Variants in PARP9 observed in about 807,000 individuals in gnomAD.
The protein encoded by PARP9 is poly(ADP-ribose) polymerase family member 9, also known as protein mono-ADP-ribosyltransferase PARP9.
Under a neutral mutation model 68.8 loss-of-function variants are expected in PARP9, and 48 were observed. The observed-to-expected ratio is 0.70, with a 90% CI of 0.55 to 0.89. The LOEUF is 0.89. PARP9 is among the 40% of genes least tolerant of loss of function. The pLI is 0.00. For missense variants in PARP9, 806 were observed against 969.3 expected, an observed-to-expected ratio of 0.83 and a Z score of 2.24; for synonymous variants, 309 against 333.8, an observed-to-expected ratio of 0.93 and a Z score of 0.81.
chr3:122,559,765 G>T, intron 1 of PARP9, 56 bp from the exon 2 acceptor site: 2 of 696,112 alleles, frequency 2.9e-6, no homozygotes, highest in Non-Finnish European at 2.3e-6. Context: ...TAGGAAATTC[G>T]GTAAGAATAT....
chr3:122,552,727 G>A, intron 4 of PARP9, 88 bp from the exon 5 acceptor site: 2 of 949,126 alleles, frequency 2.1e-6, no homozygotes, highest in Non-Finnish European at 3.2e-6. Context: ...GAAGAGCTTT[G>A]AAAAATACTC....
rs552623110 is a variant in PARP9, at chr3:122,528,020, T to G, written c.*344A>C. On this transcript the variant is annotated 3_prime_UTR_variant, in exon 11 of 11. Coordinates refer to ENST00000682323, the MANE Select transcript of PARP9 (RefSeq NM_001146105.2). ...TTCTGTTATCCTAACATTTTTATAC[T>G]ATCATCATTTTAGAAAATAAAAGGC... is the stretch of plus-strand genomic sequence containing the variant. 6.1e-6 allele frequency: 1 copy of G among 163,656 alleles called. No individual in the cohort carries two copies. Among genetic ancestry groups the G allele is most frequent in the South Asian group, 2.0e-4 (1 of 5,012 alleles). 10.1% of individuals were successfully genotyped at this position (163,656 alleles called of 1,614,324 possible).
In PARP9 at chr3:122,536,352, T is replaced by C. The variant is rs1423548550; in HGVS notation, c.1906-10A>G. ...TGTCTATCTTCTCCACCTAGAACCA[T>C]AGAAAAGAAAGACTGAAAAAGAGGC... On this transcript the variant is annotated splice_polypyrimidine_tract_variant and intron_variant, in intron 9 of 10. Coordinates refer to ENST00000682323, the MANE Select transcript of PARP9 (RefSeq NM_001146105.2). The C allele has an allele frequency of 4.0e-5, 65 of 1,609,412 alleles. No individual in the cohort carries two copies. The East Asian group carries it at 1.4e-3, about 34-fold the overall frequency.
intron 7 of PARP9, 146 bp downstream of exon 7, chr3:122,545,286 G>T: frequency 1.3e-6 from 1 of 750,224 alleles, no homozygotes. Flanking sequence ...TCAGGGTAGA[G>T]AGTAGGCAGG....
intron 7 of PARP9, among the ~76,000 whole-genome samples, chr3:122,542,769 C>T (rs1559831443): frequency 6.6e-6 from 1 of 151,634 alleles, no homozygotes; most frequent in South Asian, 2.1e-4. Flanking sequence ...TGAGCCACTG[C>T]ACCCGGCCAA....
intron 1 of PARP9, among the ~76,000 whole-genome samples, chr3:122,562,175 TTTCTTTTCTTTTC>T (rs1427338319): frequency 7.4e-6 from 1 of 135,014 alleles, no homozygotes; most frequent in African/African-American, 3.0e-5. Flanking sequence ...TTTCTTTTCT[TTTCTTTTCTTTTC>T]TTTTCTTTTC....
chr3:122,553,848 G>T (rs758172350), intron 4 of PARP9, among the ~76,000 whole-genome samples: 1 of 151,888 alleles, frequency 6.6e-6, no homozygotes, highest in Non-Finnish European at 1.5e-5. Context: ...TCTTTAATTT[G>T]CTGAACCCTT....
At chr3:122,549,290 A>T (rs2107670729) in intron 6 of PARP9, among the ~76,000 whole-genome samples, 1 of 152,346 alleles carries the variant, frequency 6.6e-6, no homozygotes. Flanking sequence ...TGCTGGGATT[A>T]CAGGCGTGAG....
chr3:122,532,075 CTGG>C (rs2077351633), intron 10 of PARP9: 1 of 888,128 alleles, frequency 1.1e-6, no homozygotes, highest in South Asian at 5.2e-5. Flanking sequence ...TGGCCTGACT[CTGG>C]TGGGTGCAGT....
intron 10 of PARP9, chr3:122,534,907 T>A: frequency 2.1e-6 from 2 of 966,126 alleles, no homozygotes; most frequent in Non-Finnish European, 2.5e-6. Context: ...AAGAGAGAAC[T>A]GCCTGAACTT....
In PARP9 at chr3:122,550,578, A is replaced by G. The variant is rs1241040409; in HGVS notation, c.1326+6T>C. On this transcript the variant is annotated splice_donor_region_variant and intron_variant, in intron 6 of 10. Transcript: ENST00000682323. The stretch of plus-strand genomic sequence containing the variant: ...ACAGTAGGACATTTCTAAGATATTA[A>G]CTTACCTTATATATCTCCAAATCTG... 6.3e-7 allele frequency: 1 copy of G among 1,588,060 alleles called. No individual in the cohort carries two copies.
rs1427850121 is a variant in PARP9, at chr3:122,530,362, A to C, written c.2081-1619T>G. On this transcript the variant is annotated intron_variant, in intron 10 of 10. Transcript: ENST00000682323. ...CCATGGGTTGGCACAATACCTCATG[A>C]AGAATCTCCACGTGCATGTTATCTA... is the stretch of plus-strand genomic sequence containing the variant. Among the ~76,000 whole-genome samples, 2 of 152,110 alleles carry C rather than the reference A, an allele frequency of 1.3e-5. 1 individual carries two copies. Among genetic ancestry groups the C allele is most frequent in the African/African-American group, 4.8e-5 (2 of 41,412 alleles).
At chr3:122,542,017 G>T (rs777995192) in intron 7 of PARP9, among the ~76,000 whole-genome samples, 1 of 152,036 alleles carries the variant, frequency 6.6e-6, no homozygotes, top group Non-Finnish European at 1.5e-5. Flanking sequence ...AAAAGCCAAG[G>T]TTTTAGACAA....
chr3:122,552,274 G>T, intron 5 of PARP9, 144 bp downstream of exon 5: 2 of 616,626 alleles, frequency 3.2e-6, no homozygotes, highest in Non-Finnish European at 2.8e-6. Flanking sequence ...AGTATTTCTG[G>T]TACTCGCAGG....
chr3:122,532,096 C>A, intron 10 of PARP9: 1 of 967,742 alleles, frequency 1.0e-6, no homozygotes, highest in Non-Finnish European at 1.2e-6. Context: ...AGTCCCTCAT[C>A]CAGCTTCATC....
At chr3:122,544,575 C>T (rs567921394) in intron 7 of PARP9, among the ~76,000 whole-genome samples, 7 of 152,052 alleles carry the variant, frequency 4.6e-5, no homozygotes, top group African/African-American at 1.4e-4. Flanking sequence ...CCAACATTTT[C>T]GGAGGTGGAG....
chr3:122,529,043 C>T (rs2077111812), intron 10 of PARP9, among the ~76,000 whole-genome samples: 1 of 151,522 alleles, frequency 6.6e-6, no homozygotes, highest in Admixed American at 6.6e-5. Flanking sequence ...AGGTCAGAAG[C>T]CTGGCCAACA....
intron 6 of PARP9, among the ~76,000 whole-genome samples, chr3:122,549,432 C>G (rs886486586): frequency 2.0e-5 from 3 of 152,106 alleles, no homozygotes; most frequent in African/African-American, 4.8e-5. Flanking sequence ...GGTTATATAG[C>G]CAGCGAGAGG....
At chr3:122,541,775 C>T (rs2078249241) in intron 7 of PARP9, among the ~76,000 whole-genome samples, 1 of 152,216 alleles carries the variant, frequency 6.6e-6, no homozygotes, top group Non-Finnish European at 1.5e-5. Context: ...AAGTAACTTG[C>T]CCATGGCTAT....
Sources: gnomAD v4.1 joint callset for allele counts (sites outside exome capture counted in the v4.1 genomes callset) on GRCh38, gnomAD v4.1.1 for gene constraint, MANE v1.5 for transcripts, NCBI Gene and HGNC (gene_info 2026-07-23, HGNC 2026-07-21) for gene names.